TACC3: variants seen among roughly 807,000 people sequenced by gnomAD.
The protein encoded by TACC3 is transforming acidic coiled-coil-containing protein 3.
Under a neutral mutation model 86.0 loss-of-function variants are expected in TACC3, and 52 were observed. The observed-to-expected ratio is 0.60, with a 90% CI of 0.48 to 0.76. The LOEUF (loss-of-function observed/expected upper bound fraction) is 0.76. Among genes scored for constraint, TACC3 ranks in the 30% least tolerant of loss-of-function variants. TACC3 has a pLI of 0.00. For synonymous variants in TACC3, 512 were observed against 430.0 expected (o/e 1.19, Z -2.36); for missense variants, 1,120 against 1,070.4 (o/e 1.05, Z -0.65).
In TACC3 at chr4:1,728,764, G is replaced by A. The variant is rs1234871734; in HGVS notation, c.1362G>A (p.Glu454=). 3.1e-6 allele frequency: 5 copies of A among 1,609,848 alleles called. No individual in the cohort carries two copies. The highest frequency in any genetic ancestry group is 3.4e-6 in the Non-Finnish European group (4 of 1,178,708). ...AEQLHAGPAT[E]EPGPCLSQQL... is the part of the protein sequence containing the mutation. ...AGTTGCATGCTGGGCCTGCCACGGA[G>A]GAGCCAGGTCCCTGTCTGAGCCAGT... Residue 454 remains glutamate, a synonymous_variant, in exon 4 of 16, where the codon GAG becomes GAA. Coordinates refer to ENST00000313288, the MANE Select transcript of TACC3 (RefSeq NM_006342.3).
chr4:1,744,247 G>T (rs1718732976), intron 13 of TACC3, among the ~76,000 whole-genome samples: 1 of 152,250 alleles, frequency 6.6e-6, no homozygotes, highest in Non-Finnish European at 1.5e-5. Flanking sequence ...TGCCAGCAGA[G>T]GCTGCAGGTG....
chr4:1,733,845 G>A (rs1272939800), intron 6 of TACC3, among the ~76,000 whole-genome samples: 12 of 152,046 alleles, frequency 7.9e-5, no homozygotes, highest in Admixed American at 7.9e-4. Flanking sequence ...GGGTGTGTTG[G>A]CACATGCCTG....
intron 13 of TACC3, among the ~76,000 whole-genome samples, chr4:1,743,646 T>C (rs1179235090): frequency 6.6e-6 from 1 of 151,886 alleles, no homozygotes; most frequent in Non-Finnish European, 1.5e-5. Flanking sequence ...ACAGGTCAGA[T>C]GAGGGAAGCA....
chr4:1,720,937 C>T, upstream of TACC3: 2 of 1,051,784 alleles, frequency 1.9e-6, no homozygotes, highest in Non-Finnish European at 2.5e-6. This position sits in a 1 kb window ranked among gnomAD's most constrained non-coding sequence, Gnocchi z 4.4. Flanking sequence ...GCGGCCGCCG[C>T]CCGGCCGCCC....
rs761075657 is a variant in TACC3 at position 1,728,679 on chromosome 4, G to A, written c.1277G>A (p.Cys426Tyr). The A allele has an allele frequency of 6.2e-7, 1 of 1,613,778 alleles. No homozygotes were observed. The highest frequency in any genetic ancestry group is 1.1e-5 in the South Asian group (1 of 91,086). ...TTCGGAGGTGACACCAAGTCTGGTT[G>A]CAGTGAGGCCCAGCCCCCAGAAAGC... ...IPFGGDTKSG[C>Y]SEAQPPESPE... is the part of the protein sequence containing the mutation. The change falls in exon 4 of 16, where the codon TGC becomes TAC. Residue 426 changes from cysteine (C) to tyrosine (Y), a missense_variant. Physicochemically the swap from Cys to Tyr is radical, Grantham distance 194 (BLOSUM62 -2). Coordinates refer to ENST00000313288, the MANE Select transcript of TACC3 (RefSeq NM_006342.3).
At chr4:1,738,666 C>G (rs1718410144) in intron 10 of TACC3, among the ~76,000 whole-genome samples, 1 of 152,220 alleles carries the variant, frequency 6.6e-6, no homozygotes, top group South Asian at 2.1e-4. Flanking sequence ...AAGAGCACAC[C>G]TGAACAAGGG....
intron 10 of TACC3, among the ~76,000 whole-genome samples, chr4:1,738,802 G>C (rs1023032830): frequency 4.6e-5 from 7 of 152,202 alleles, no homozygotes; most frequent in African/African-American, 1.7e-4. Context: ...CAGGGTAAGA[G>C]TCAGAGTGGT....
intron 11 of TACC3, 30 bp downstream of exon 11, chr4:1,739,808 G>GTCCCCATCCCCCTCGCCA: frequency 1.4e-6 from 1 of 695,152 alleles, no homozygotes; most frequent in South Asian, 2.2e-5. Flanking sequence ...TGTCCTCCCC[G>GTCCCCATCCCCCTCGCCA]TCCCCATCCC....
chr4:1,740,677 TG>T, intron 12 of TACC3, 148 bp from the exon 13 acceptor site: 1 of 675,372 alleles, frequency 1.5e-6, no homozygotes. Flanking sequence ...AGATCCTGGG[TG>T]GAGGGACCCA....
In TACC3 at chr4:1,727,802, C is replaced by G; in HGVS notation, c.400C>G (p.Pro134Ala). The stretch of plus-strand genomic sequence containing the variant: ...CACCGACCTCCTGGGGGATGCAAGC[C>G]CAGCCTTTGGGAGTGGCAGCTCCAG... ...ADTDLLGDAS[P>A]AFGSGSSSES... is the part of the protein sequence containing the mutation. The change falls in exon 4 of 16, where the codon CCA (proline) becomes GCA (alanine). Residue 134 changes from proline to alanine, a missense_variant. Coordinates refer to ENST00000313288, the MANE Select transcript of TACC3 (RefSeq NM_006342.3). 3 of 1,613,332 alleles carry G rather than the reference C, an allele frequency of 1.9e-6. No individual in the cohort carries two copies. Among genetic ancestry groups the G allele is most frequent in the Non-Finnish European group, 2.5e-6 (3 of 1,179,962 alleles).
intron 8 of TACC3, 33 bp from the exon 9 acceptor site, chr4:1,737,208 C>T: frequency 1.3e-6 from 2 of 1,582,720 alleles, no homozygotes; most frequent in Non-Finnish European, 1.7e-6. Context: ...CTGGGAGGGC[C>T]TAGTGACTGA....
At chr4:1,727,568 G>A in intron 3 of TACC3, 140 bp from the exon 4 acceptor site, 4 of 1,360,212 alleles carry the variant, frequency 2.9e-6, no homozygotes, top group East Asian at 4.6e-5. Context: ...GGTGGGGGGT[G>A]GAGAACGGGA....
chr4:1,727,391 C>T (rs563086663), intron 3 of TACC3, among the ~76,000 whole-genome samples: 9 of 152,278 alleles, frequency 5.9e-5, no homozygotes, highest in South Asian at 2.1e-4. Flanking sequence ...TGGCAAAGCG[C>T]GTGATGAGCA....
chr4:1,726,945 G>T (rs1258485639), intron 3 of TACC3, among the ~76,000 whole-genome samples: 2 of 152,146 alleles, frequency 1.3e-5, no homozygotes, highest in African/African-American at 2.4e-5. Context: ...TGACCAACAT[G>T]ATGAAAACCT....
At chr4:1,725,588 G>A (rs1390769495) in intron 3 of TACC3, among the ~76,000 whole-genome samples, 1 of 152,206 alleles carries the variant, frequency 6.6e-6, no homozygotes, top group East Asian at 1.9e-4. Context: ...CAGAGCCACA[G>A]ATCCCCTGCC....
In TACC3 at chr4:1,723,558, C is replaced by T. The variant is rs1717527938; in HGVS notation, c.137C>T (p.Pro46Leu). The stretch of plus-strand genomic sequence containing the variant: ...GTGTCACAGAAAGAAAATGTGCCAC[C>T]CAAGAACCTGGCCAAAGCTATGAAG... ...LRVSQKENVP[P>L]KNLAKAMKVT... Residue 46 changes from proline (P) to leucine (L), a missense_variant, in exon 2 of 16, where the codon CCC becomes CTC. Transcript: ENST00000313288. The T allele has an allele frequency of 6.2e-7, 1 of 1,613,474 alleles. No homozygotes were observed. The highest frequency in any genetic ancestry group is 8.5e-7 in the Non-Finnish European group (1 of 1,179,838).
At chr4:1,740,718 A>G (rs2108717727) in intron 12 of TACC3, 108 bp from the exon 13 acceptor site, 1 of 984,708 alleles carries the variant, frequency 1.0e-6, no homozygotes, top group South Asian at 1.6e-5. Flanking sequence ...CCCACTGCCC[A>G]CCTCTCCTCC....
intron 10 of TACC3, among the ~76,000 whole-genome samples, chr4:1,738,526 A>C (rs1718404253): frequency 6.6e-6 from 1 of 152,206 alleles, no homozygotes. Context: ...CCCTGCATGT[A>C]ACTTATGTTA....
chr4:1,741,335 C>T (rs533934508), intron 13 of TACC3: 1 of 174,950 alleles, frequency 5.7e-6, no homozygotes, highest in East Asian at 1.5e-4. Flanking sequence ...TGTCCGAGCG[C>T]TTGGGTCCCA....
Sources: allele counts gnomAD v4.1 joint callset (sites outside exome capture counted in the v4.1 genomes callset), GRCh38; gene constraint gnomAD v4.1.1; non-coding constraint Gnocchi (gnomAD v3.1); transcripts MANE v1.5; gene names NCBI Gene and HGNC (gene_info 2026-07-23, HGNC 2026-07-21).